The following NXPH1 variants were observed in gnomAD, a reference collection of about 807,000 sequenced individuals.
NXPH1 encodes neurexophilin 1, also known as neurexophilin-1.
A neutral mutation model predicts 23.7 loss-of-function variants in NXPH1; 5 were observed. That is an observed-to-expected ratio of 0.21 (90% confidence interval 0.11 to 0.44). The LOEUF is 0.44. NXPH1 is among the 20% of genes least tolerant of loss of function. NXPH1 has a pLI of 0.99. For missense variants in NXPH1, 324 were observed against 321.6 expected (o/e 1.01, Z -0.06); for synonymous variants, 144 against 122.2 (o/e 1.18, Z -1.18).
At chr7:8,684,248 C>G (rs991824929) in intron 2 of NXPH1, among the ~76,000 whole-genome samples, 1 of 152,142 alleles carries the variant, frequency 6.6e-6, no homozygotes, top group Admixed American at 6.6e-5. Flanking sequence ...CCGTGAGGCA[C>G]CTTTGCCATT....
intron 2 of NXPH1, among the ~76,000 whole-genome samples, chr7:8,551,373 A>G (rs1404272488): frequency 1.3e-5 from 2 of 151,508 alleles, no homozygotes; most frequent in African/African-American, 4.8e-5. Context: ...CTAAATTCCA[A>G]CTTCACAAGG....
intron 2 of NXPH1, among the ~76,000 whole-genome samples, chr7:8,726,265 G>C (rs547015439): frequency 2.0e-5 from 3 of 146,984 alleles, no homozygotes; most frequent in Non-Finnish European, 4.5e-5. Flanking sequence ...ATCCTTCCTC[G>C]TTTGCTTCTT....
At chr7:8,623,357 A>G (rs756676016) in intron 2 of NXPH1, among the ~76,000 whole-genome samples, 32 of 152,218 alleles carry the variant, frequency 2.1e-4, no homozygotes, top group Non-Finnish European at 4.1e-4. Context: ...AGGTCCCCAC[A>G]AGTTAAAGGG....
chr7:8,540,453 C>CTT (rs1330523966), intron 2 of NXPH1, among the ~76,000 whole-genome samples: 10 of 151,886 alleles, frequency 6.6e-5, no homozygotes, highest in African/African-American at 2.4e-4. Flanking sequence ...GTGAGCCCCA[C>CTT]AGTTTCCCTT....
At chr7:8,667,705 A>T (rs1226319224) in intron 2 of NXPH1, among the ~76,000 whole-genome samples, 1 of 151,964 alleles carries the variant, frequency 6.6e-6, no homozygotes, top group Non-Finnish European at 1.5e-5. Flanking sequence ...ACTCTTCTAT[A>T]CCTAGATATT....
intron 2 of NXPH1, among the ~76,000 whole-genome samples, chr7:8,672,839 C>T (rs1820892350): frequency 6.6e-6 from 1 of 152,150 alleles, no homozygotes; most frequent in South Asian, 2.1e-4. Context: ...CCATCTCTTT[C>T]CTCATTACTT....
intron 2 of NXPH1, among the ~76,000 whole-genome samples, chr7:8,585,871 T>G (rs1484320166): frequency 1.3e-5 from 2 of 152,206 alleles, no homozygotes; most frequent in African/African-American, 4.8e-5. Context: ...AGGGCTTTAT[T>G]GAGCTTTGGA....
At chr7:8,733,714 T>A (rs2115219752) in intron 2 of NXPH1, among the ~76,000 whole-genome samples, 1 of 152,326 alleles carries the variant, frequency 6.6e-6, no homozygotes, top group African/African-American at 2.4e-5. Flanking sequence ...CTTTGCCCAC[T>A]TTTTGATGGG....
chr7:8,732,572 A>G (rs1029166902), intron 2 of NXPH1, among the ~76,000 whole-genome samples: 2 of 152,206 alleles, frequency 1.3e-5, no homozygotes, highest in Non-Finnish European at 2.9e-5. Context: ...AAATCGTTTT[A>G]TGGGTAATAC....
intron 2 of NXPH1, among the ~76,000 whole-genome samples, chr7:8,730,836 G>T (rs1460035095): frequency 6.6e-6 from 1 of 150,548 alleles, no homozygotes; most frequent in Admixed American, 6.7e-5. Context: ...TGCTCTTCTC[G>T]AGGAGTATCT....
At chr7:8,472,351 A>C (rs1285715526) in intron 2 of NXPH1, among the ~76,000 whole-genome samples, 1 of 152,134 alleles carries the variant, frequency 6.6e-6, no homozygotes, top group East Asian at 1.9e-4. Flanking sequence ...ACATTCTTCA[A>C]AGTACTTTGA....
intron 2 of NXPH1, among the ~76,000 whole-genome samples, chr7:8,575,526 C>T (rs2128622788): frequency 6.6e-6 from 1 of 152,200 alleles, no homozygotes; most frequent in South Asian, 2.1e-4. Context: ...TTACTTCTAC[C>T]TACAGTCAAT....
chr7:8,637,635 A>G (rs370885160), intron 2 of NXPH1, among the ~76,000 whole-genome samples: 5 of 152,168 alleles, frequency 3.3e-5, no homozygotes, highest in African/African-American at 1.2e-4. Context: ...TTATTTTTAG[A>G]TGCTGTGTTT....
intron 2 of NXPH1, among the ~76,000 whole-genome samples, chr7:8,675,932 A>T (rs1431933931): frequency 6.6e-6 from 1 of 152,110 alleles, no homozygotes; most frequent in Non-Finnish European, 1.5e-5. Context: ...CTTGTTGGTC[A>T]TTCTTGGCTC....
intron 2 of NXPH1, among the ~76,000 whole-genome samples, chr7:8,586,104 A>T (rs1818975288): frequency 6.6e-6 from 1 of 152,232 alleles, no homozygotes; most frequent in African/African-American, 2.4e-5. Flanking sequence ...CGATCTCATC[A>T]TGAACACACC....
At chr7:8,484,723 G>C (rs903717405) in intron 2 of NXPH1, among the ~76,000 whole-genome samples, 1 of 152,124 alleles carries the variant, frequency 6.6e-6, no homozygotes, top group African/African-American at 2.4e-5. Context: ...GACGTATGTA[G>C]GTGTATTTAA....
intron 2 of NXPH1, among the ~76,000 whole-genome samples, chr7:8,598,862 C>G (rs1394126393): frequency 6.6e-6 from 1 of 152,142 alleles, no homozygotes; most frequent in Non-Finnish European, 1.5e-5. Flanking sequence ...CTAATTGCTT[C>G]TGATCATTGT....
At chr7:8,460,129 GATATAA>G (rs1176773343) in intron 2 of NXPH1, among the ~76,000 whole-genome samples, 15 of 152,012 alleles carry the variant, frequency 9.9e-5, no homozygotes, top group Admixed American at 2.6e-4. Context: ...ATGTAAGGAT[GATATAA>G]ATATATCATT....
chr7:8,726,540 G>A (rs969231962), intron 2 of NXPH1, among the ~76,000 whole-genome samples: 1 of 137,238 alleles, frequency 7.3e-6, no homozygotes, highest in Non-Finnish European at 1.5e-5. Flanking sequence ...CTGTGTCCAT[G>A]TGTTCTCATT....
Sources: gnomAD v4.1 joint callset for allele counts (sites outside exome capture counted in the v4.1 genomes callset) on GRCh38, gnomAD v4.1.1 for gene constraint, MANE v1.5 for transcripts, NCBI Gene and HGNC (gene_info 2026-07-23, HGNC 2026-07-21) for gene names.